SEC14L5: variants seen among roughly 807,000 people sequenced by gnomAD.
SEC14L5 encodes the protein SEC14-like protein 5.
In SEC14L5, 96 loss-of-function variants were observed where a neutral mutation model predicts 84.6. That is an observed-to-expected ratio of 1.13 (90% CI 0.96 to 1.34). SEC14L5 has a LOEUF of 1.34. Ranked by LOEUF, SEC14L5 falls within the 40% of genes most tolerant of loss-of-function variation. SEC14L5 has a pLI of 0.00. For synonymous variants in SEC14L5, 546 were observed against 383.4 expected (o/e 1.42, Z -4.95); for missense variants, 1,224 against 942.5 (o/e 1.30, Z -3.91).
intron 11 of SEC14L5, among the ~76,000 whole-genome samples, chr16:5,003,863 C>G (rs977791790): frequency 6.6e-6 from 1 of 152,228 alleles, no homozygotes; most frequent in African/African-American, 2.4e-5. Context: ...TGGGCTCAAG[C>G]GGTCCTCTTG....
intron 12 of SEC14L5, 103 bp from the exon 13 acceptor site, chr16:5,007,249 G>A: frequency 9.8e-7 from 1 of 1,023,400 alleles, no homozygotes; most frequent in East Asian, 2.5e-5. Flanking sequence ...GTAAGGGGTT[G>A]CAATTATGAG....
In SEC14L5 at chr16:5,017,111, T is replaced by C. The variant is rs936850295; in HGVS notation, c.*2141T>C. On this transcript the variant is annotated 3_prime_UTR_variant, in exon 16 of 16. Coordinates refer to ENST00000251170, the MANE Select transcript of SEC14L5 (RefSeq NM_014692.2). ...TGCCCTGGCAGTCTTTATACATTTA[T>C]TGTCTAGCCCCAGAGAAGGACACAG... is the stretch of plus-strand genomic sequence containing the variant. 3 of 148,502 alleles carry C rather than the reference T, an allele frequency of 2.0e-5. No individual in the cohort carries two copies. Among genetic ancestry groups the C allele is most frequent in the Admixed American group, 7.0e-5 (1 of 14,314 alleles). 9.2% of individuals were successfully genotyped at this position (148,502 alleles called of 1,614,324 possible).
At position 5,000,231 on chromosome 16, in the gene SEC14L5, C is replaced by T. The variant is rs933306223; in HGVS notation, c.971-424C>T. Among the ~76,000 whole-genome samples, 6 of 152,126 alleles carry T rather than the reference C, an allele frequency of 3.9e-5. No individual in the cohort carries two copies. The East Asian group carries it at 1.2e-3, about 29-fold the overall frequency. On this transcript the variant is annotated intron_variant, in intron 8 of 15. Transcript: ENST00000251170. ...GCTTGAACCTGGGAGGCCGAGGTTA[C>T]AGTGAGCCGAGATCGCACCACTGCA...
chr16:4,973,300 TG>T (rs1351533265), intron 2 of SEC14L5, among the ~76,000 whole-genome samples: 1 of 152,220 alleles, frequency 6.6e-6, no homozygotes, highest in Non-Finnish European at 1.5e-5. Flanking sequence ...CCATCTCATG[TG>T]TGTCCCGGGC....
At chr16:4,961,580 C>T (rs1955121781) in intron 2 of SEC14L5, among the ~76,000 whole-genome samples, 1 of 152,184 alleles carries the variant, frequency 6.6e-6, no homozygotes, top group South Asian at 2.1e-4. Context: ...CCACTAGCCT[C>T]GGCCTCCCAA....
At position 4,983,918 on chromosome 16, in the gene SEC14L5, A is replaced by AAATT. The variant is rs58549552; in HGVS notation, c.64-3639_64-3638insAATT. 2.1e-3 allele frequency among the ~76,000 whole-genome samples: 318 copies of AAATT among 148,150 alleles called. 1 individual carries two copies. In the East Asian group the frequency reaches 0.023, roughly 11 times the overall value. The stretch of plus-strand genomic sequence containing the variant: ...TAAATAAATAAATAAATAAATAAAT[A>AAATT]GTATATGTATACATGTGGATTCATA... On this transcript the variant is annotated intron_variant, in intron 2 of 15. Coordinates refer to ENST00000251170, the MANE Select transcript of SEC14L5 (RefSeq NM_014692.2).
chr16:4,989,567 A>G (rs1955530230), intron 4 of SEC14L5, among the ~76,000 whole-genome samples: 1 of 152,040 alleles, frequency 6.6e-6, no homozygotes, highest in Non-Finnish European at 1.5e-5. Context: ...GGCTATTCTC[A>G]AACTCCTGGC....
At chr16:5,014,701 G>A (rs1183276464) in intron 15 of SEC14L5, among the ~76,000 whole-genome samples, 158 bp from the exon 16 acceptor site, 3 of 152,232 alleles carry the variant, frequency 2.0e-5, no homozygotes, top group African/African-American at 7.2e-5. Context: ...GAATTCGGTA[G>A]TGCTTTTCTC....
In SEC14L5 at chr16:4,986,448, C is replaced by T. The variant is rs552677530; in HGVS notation, c.64-1109C>T. On this transcript the variant is annotated intron_variant, in intron 2 of 15. Coordinates refer to ENST00000251170, the MANE Select transcript of SEC14L5 (RefSeq NM_014692.2). ...AGCCACCACACCTGGCCTGCTACCA[C>T]GTCTTTTAAAGTAAATCAGGAAATA... 2.0e-3 allele frequency among the ~76,000 whole-genome samples: 309 copies of T among 152,266 alleles called. 2 individuals carry two copies. The highest frequency in any genetic ancestry group is 6.8e-3 in the African/African-American group (281 of 41,554).
chr16:4,967,209 A>T (rs1955211583), intron 2 of SEC14L5, among the ~76,000 whole-genome samples: 1 of 152,154 alleles, frequency 6.6e-6, no homozygotes, highest in African/African-American at 2.4e-5. Flanking sequence ...GAGGCTCTAG[A>T]AGGGGATCTG....
rs761371970 is a variant in SEC14L5, at chr16:5,007,460, A to G, written c.1546A>G (p.Ser516Gly). 1.9e-5 allele frequency: 30 copies of G among 1,613,774 alleles called. No individual in the cohort carries two copies. Among genetic ancestry groups the G allele is most frequent in the Non-Finnish European group, 2.0e-5 (24 of 1,179,850 alleles). Residue 516 changes from serine (S) to glycine (G), a missense_variant, in exon 13 of 16, where the codon AGC becomes GGC. Coordinates refer to ENST00000251170, the MANE Select transcript of SEC14L5 (RefSeq NM_014692.2). ...WQWSETYHSA[S>G]VLRGAPHEVA... Reference sequence around the variant, plus strand: ...GTGGAGTGAGACCTACCATTCAGCCAGCGTGCTCCGCGGAGCCCCCCACGA... The same window carrying G: ...GTGGAGTGAGACCTACCATTCAGCCGGCGTGCTCCGCGGAGCCCCCCACGA...
chr16:5,002,011 C>G (rs1407115198), intron 10 of SEC14L5, among the ~76,000 whole-genome samples: 1 of 152,184 alleles, frequency 6.6e-6, no homozygotes, highest in South Asian at 2.1e-4. Flanking sequence ...CTGAAGTGAT[C>G]CTCCCACCTT....
chr16:4,984,044 A>C (rs866043933), intron 2 of SEC14L5, among the ~76,000 whole-genome samples: 1 of 152,196 alleles, frequency 6.6e-6, no homozygotes, highest in South Asian at 2.1e-4. Flanking sequence ...CATACAACTC[A>C]TTCATTTACA....
chr16:5,000,125 T>C (rs759460885), intron 8 of SEC14L5, among the ~76,000 whole-genome samples: 10 of 151,942 alleles, frequency 6.6e-5, no homozygotes, highest in Non-Finnish European at 1.2e-4. Context: ...ACCCCATTTC[T>C]ACTAAAAATA....
chr16:4,997,971 A>T (rs947066316), intron 8 of SEC14L5, among the ~76,000 whole-genome samples: 10 of 147,276 alleles, frequency 6.8e-5, no homozygotes, highest in African/African-American at 2.5e-4. Flanking sequence ...TCCTTAACTA[A>T]TTAACTAATT....
intron 2 of SEC14L5, among the ~76,000 whole-genome samples, chr16:4,981,661 A>G (rs1955425331): frequency 3.3e-5 from 5 of 152,116 alleles, no homozygotes. Context: ...CGGTTCTTGG[A>G]GGGAGTGGGG....
chr16:4,971,984 A>G (rs1280065087), intron 2 of SEC14L5, among the ~76,000 whole-genome samples: 5 of 151,966 alleles, frequency 3.3e-5, no homozygotes, highest in African/African-American at 1.2e-4. Flanking sequence ...ACCATGACAA[A>G]TGCTTCTGAT....
In SEC14L5 at chr16:5,003,496, G is replaced by A. The variant is rs762600446; in HGVS notation, c.1225G>A (p.Glu409Lys). The change falls in exon 11 of 16, where the codon GAG (glutamate) becomes AAG (lysine). Residue 409 changes from glutamate to lysine, a missense_variant. Coordinates refer to ENST00000251170, the MANE Select transcript of SEC14L5 (RefSeq NM_014692.2). ...KALLRMIEVV[E>K]DNYPETLGRL... ...CCTGCTGCGGATGATTGAGGTGGTT[G>A]AGGACAATTACCCAGAGACCCTGGG... 1.2e-6 allele frequency: 2 copies of A among 1,613,206 alleles called. No individual in the cohort carries two copies. The highest frequency in any genetic ancestry group is 2.2e-5 in the South Asian group (2 of 91,064).
chr16:5,008,901 GCA>G (rs1401678405), intron 14 of SEC14L5, among the ~76,000 whole-genome samples: 1 of 152,234 alleles, frequency 6.6e-6, no homozygotes, highest in Non-Finnish European at 1.5e-5. Context: ...TTGGGGAGGA[GCA>G]CAGGGTCTGG....
Sources: allele counts gnomAD v4.1 joint callset (sites outside exome capture counted in the v4.1 genomes callset), GRCh38; gene constraint gnomAD v4.1.1; transcripts MANE v1.5; gene names NCBI Gene and HGNC (gene_info 2026-07-23, HGNC 2026-07-21).